The following GPHN variants were observed in gnomAD, a reference collection of about 807,000 sequenced individuals.
The protein encoded by GPHN is gephyrin.
In GPHN, 17 loss-of-function variants were observed where a neutral mutation model predicts 95.5. That is an observed-to-expected ratio of 0.18 (90% CI 0.12 to 0.27). The LOEUF is 0.27. Among genes scored for constraint, GPHN ranks in the 10% least tolerant of loss-of-function variants. The pLI is 1.00. For missense variants in GPHN, 660 were observed against 978.1 expected, an observed-to-expected ratio of 0.67 and a Z score of 4.34; for synonymous variants, 320 against 322.5, an observed-to-expected ratio of 0.99 and a Z score of 0.08.
chr14:67,169,903 C>G (rs1009465800), intron 21 of GPHN, among the ~76,000 whole-genome samples: 2 of 152,088 alleles, frequency 1.3e-5, no homozygotes, highest in Non-Finnish European at 2.9e-5. Flanking sequence ...GTGGTGAAAC[C>G]CTGTCTCTAC....
At chr14:66,851,891 G>T (rs1444782314) in intron 4 of GPHN, among the ~76,000 whole-genome samples, 1 of 152,164 alleles carries the variant, frequency 6.6e-6, no homozygotes, top group African/African-American at 2.4e-5. Context: ...GAATAGTTCA[G>T]ATAAAAGATG....
the GPHN span, among the ~76,000 whole-genome samples, chr14:67,196,558 A>G: frequency 2.6e-5 from 4 of 152,266 alleles, no homozygotes; most frequent in African/African-American, 9.6e-5. Flanking sequence ...ATGTCAACAA[A>G]AGGTTTTCAG....
At chr14:67,237,489 T>A in the GPHN span, among the ~76,000 whole-genome samples, 8 of 152,208 alleles carry the variant, frequency 5.3e-5, no homozygotes, top group East Asian at 1.5e-3. Flanking sequence ...TCCAAAACTT[T>A]TTTTTTTTAA....
the GPHN span, chr14:67,651,221 T>TTTAAGTGGTTTTTCATCTTTC: frequency 4.4e-6 from 6 of 1,368,536 alleles, no homozygotes; most frequent in Non-Finnish European, 5.9e-6. Flanking sequence ...TTCCTTCACA[T>TTTAAGTGGTTTTTCATCTTTC]TTAAGTGGTT....
At chr14:67,317,545 G>A in the GPHN span, 4 of 1,074,622 alleles carry the variant, frequency 3.7e-6, no homozygotes, top group Non-Finnish European at 5.5e-6. Context: ...GTCCTGTTTT[G>A]CACCTTAATG....
intron 1 of GPHN, among the ~76,000 whole-genome samples, chr14:66,604,871 A>G (rs952116070): frequency 9.5e-6 from 1 of 105,782 alleles, no homozygotes; most frequent in Non-Finnish European, 1.7e-5. Context: ...TCCCTCCTTT[A>G]GACAACTCTA....
At chr14:66,964,166 G>T (rs2069154606) in intron 8 of GPHN, among the ~76,000 whole-genome samples, 1 of 152,024 alleles carries the variant, frequency 6.6e-6, no homozygotes, top group Non-Finnish European at 1.5e-5. Context: ...CTTTATGTTT[G>T]TATATTTTTA....
chr14:66,972,934 T>G (rs1245552204), intron 9 of GPHN, among the ~76,000 whole-genome samples: 1 of 152,126 alleles, frequency 6.6e-6, no homozygotes, highest in Non-Finnish European at 1.5e-5. Context: ...GTACCATCAG[T>G]GCAAATGTCA....
Position 66,865,990 on chromosome 14 carries a change from T to C in GPHN, c.295-13949T>C, listed in dbSNP as rs191548928. On this transcript the variant is annotated intron_variant, in intron 4 of 22. Coordinates refer to ENST00000478722, the MANE Select transcript of GPHN (RefSeq NM_020806.5). ...AGTCTCAGTAGTGTTTTTACGTATG[T>C]GTGTGTTAGTGGGGGTAGTCATTTC... Among the ~76,000 whole-genome samples, 612 of 152,256 alleles carry C rather than the reference T, an allele frequency of 4.0e-3. 2 individuals carry two copies. Among genetic ancestry groups the C allele is most frequent in the African/African-American group, 0.014 (578 of 41,560 alleles).
chr14:67,226,608 G>T, the GPHN span, among the ~76,000 whole-genome samples: 1 of 151,942 alleles, frequency 6.6e-6, no homozygotes, highest in Non-Finnish European at 1.5e-5. Context: ...TGATCCGCCC[G>T]CCTCAGCCTC....
intron 1 of GPHN, among the ~76,000 whole-genome samples, chr14:66,639,691 C>T (rs2064289091): frequency 6.6e-6 from 1 of 151,424 alleles, no homozygotes. Context: ...AAGGCAGAGG[C>T]AAGAGAATAG....
the GPHN span, among the ~76,000 whole-genome samples, chr14:67,305,483 G>A: frequency 6.6e-6 from 1 of 152,138 alleles, no homozygotes; most frequent in African/African-American, 2.4e-5. Flanking sequence ...CTTTCACTAT[G>A]TTGCCCAGGC....
At chr14:67,497,571 A>G in the GPHN span, among the ~76,000 whole-genome samples, 2 of 152,200 alleles carry the variant, frequency 1.3e-5, no homozygotes, top group Admixed American at 1.3e-4. Flanking sequence ...GACATCACAG[A>G]GGTAAAATGT....
At chr14:67,330,455 A>ATT in the GPHN span, among the ~76,000 whole-genome samples, 23 of 117,798 alleles carry the variant, frequency 2.0e-4, no homozygotes, top group Middle Eastern at 4.1e-3. Flanking sequence ...ATTTCCCTTC[A>ATT]TTTTTTTTTT....
At chr14:67,329,861 AATAAATAAATAAATAAATAG>A in the GPHN span, among the ~76,000 whole-genome samples, 1 of 150,484 alleles carries the variant, frequency 6.6e-6, no homozygotes, top group Non-Finnish European at 1.5e-5. Flanking sequence ...TAAATAAATA[AATAAATAAATAAATAAATAG>A]ATATAGAAAC....
At chr14:66,837,821 T>C (rs748790340) in intron 4 of GPHN, among the ~76,000 whole-genome samples, 3 of 151,842 alleles carry the variant, frequency 2.0e-5, no homozygotes, top group Admixed American at 1.3e-4. Flanking sequence ...CAATTTCCTT[T>C]AAATATATAT....
At chr14:67,580,550 A>G in the GPHN span, among the ~76,000 whole-genome samples, 5 of 152,224 alleles carry the variant, frequency 3.3e-5, no homozygotes, top group Non-Finnish European at 5.9e-5. Flanking sequence ...TTCTTTGCCA[A>G]TGTCTGGGCA....
the GPHN span, among the ~76,000 whole-genome samples, chr14:67,439,536 T>A: frequency 4.6e-5 from 2 of 43,626 alleles, no homozygotes; most frequent in African/African-American, 2.4e-4. Flanking sequence ...TTCAATAGTT[T>A]CTTTCTTTCT....
chr14:66,985,784 T>C (rs2070989519), intron 9 of GPHN: 3 of 1,092,174 alleles, frequency 2.7e-6, no homozygotes, highest in Middle Eastern at 3.9e-4. Context: ...GTCTATAGCC[T>C]ACACTTCTTC....
Sources: allele counts gnomAD v4.1 joint callset (sites outside exome capture counted in the v4.1 genomes callset), GRCh38; gene constraint gnomAD v4.1.1; transcripts MANE v1.5; gene names NCBI Gene and HGNC (gene_info 2026-07-23, HGNC 2026-07-21).